The following ZNF705D variants were observed in gnomAD, a reference collection of about 807,000 sequenced individuals.
The protein encoded by ZNF705D is zinc finger protein 705D.
For synonymous variants in ZNF705D, 1 was observed against 43.8 expected (o/e 0.02, Z 3.86); for missense variants, 6 against 129.4 (o/e 0.05, Z 4.63).
At chr8:12,109,422 C>T (rs1415576094) in intron 1 of ZNF705D, among the ~76,000 whole-genome samples, 3 of 87,940 alleles carry the variant, frequency 3.4e-5, no homozygotes, top group African/African-American at 8.8e-5. Context: ...ATTCAAAACA[C>T]ATCATTGGTC....
At chr8:12,090,702 C>G in the ZNF705D span, among the ~76,000 whole-genome samples, 14,755 of 20,448 alleles carry the variant, frequency 0.72, 6,188 homozygotes, top group Non-Finnish European at 0.98. Flanking sequence ...TTGTAAATTT[C>G]TTTAAGTTCC....
chr8:12,095,753 T>TAC, the ZNF705D span, among the ~76,000 whole-genome samples: 5,156 of 27,440 alleles, frequency 0.19, 627 homozygotes, highest in Middle Eastern at 0.23. Context: ...TTTTTACTCC[T>TAC]ACACACACAC....
chr8:12,115,457 G>T (rs1416675293), downstream of ZNF705D: 2 of 111,910 alleles, frequency 1.8e-5, no homozygotes, highest in Non-Finnish European at 3.9e-5. Flanking sequence ...TTTGACAAAT[G>T]CATGGTGGCA....
chr8:12,091,793 T>G, the ZNF705D span, among the ~76,000 whole-genome samples: 2 of 26,666 alleles, frequency 7.5e-5, 1 homozygote, highest in Non-Finnish European at 2.0e-4. Flanking sequence ...GTATTTTTTT[T>G]TTTTTGTTTT....
At chr8:12,089,944 C>T in the ZNF705D span, among the ~76,000 whole-genome samples, 3 of 50,128 alleles carry the variant, frequency 6.0e-5, 1 homozygote, top group African/African-American at 9.8e-5. Context: ...AGGCCGAAGG[C>T]GAATCTGGCT....
At chr8:12,107,217 G>T (rs946839224), upstream of ZNF705D, among the ~76,000 whole-genome samples, 1 of 26,980 alleles carries the variant, frequency 3.7e-5, no homozygotes, top group Non-Finnish European at 8.2e-5. Flanking sequence ...CGATGCAGGA[G>T]ATTTTAAGGG....
the ZNF705D span, among the ~76,000 whole-genome samples, chr8:12,090,157 AC>A: frequency 3.3e-5 from 3 of 90,162 alleles, 1 homozygote; most frequent in African/African-American, 8.3e-5. Context: ...TCCTCTGGCC[AC>A]CCCCCCGATG....
At chr8:12,109,270 T>C (rs1463496365) in intron 1 of ZNF705D, among the ~76,000 whole-genome samples, 4 of 59,296 alleles carry the variant, frequency 6.7e-5, no homozygotes, top group African/African-American at 2.0e-4. Context: ...GAATCCTATA[T>C]TCTGCATAAA....
upstream of ZNF705D, among the ~76,000 whole-genome samples, chr8:12,107,282 C>G (rs868305380): frequency 1.9e-5 from 1 of 52,890 alleles, no homozygotes; most frequent in Non-Finnish European, 4.1e-5. Flanking sequence ...TCCCTCAATT[C>G]ATTATCCCCA....
intron 1 of ZNF705D, among the ~76,000 whole-genome samples, chr8:12,109,119 C>CTTCA (rs1343558715): frequency 2.1e-5 from 2 of 93,200 alleles, no homozygotes; most frequent in Non-Finnish European, 4.9e-5. Context: ...GAACAGGAGG[C>CTTCA]TTCATATCAC....
the ZNF705D span, among the ~76,000 whole-genome samples, chr8:12,090,071 A>T: frequency 2.5e-5 from 2 of 78,864 alleles, 1 homozygote; most frequent in African/African-American, 5.8e-5. Flanking sequence ...TCTGGCCAGG[A>T]GGCTTCCAGC....
chr8:12,107,893 ATGT>A, upstream of ZNF705D, among the ~76,000 whole-genome samples: 1 of 16,234 alleles, frequency 6.2e-5, no homozygotes, highest in African/African-American at 1.8e-4. Flanking sequence ...CGTGCTTTTG[ATGT>A]TCTCATTCAC....
rs534079290 is a variant in ZNF705D at position 12,109,473 on chromosome 8, G to C, written c.13-427G>C. Among the ~76,000 whole-genome samples, 22 of 85,580 alleles carry C rather than the reference G, an allele frequency of 2.6e-4. 2 individuals are homozygous for C. The highest frequency in any genetic ancestry group is 6.5e-4 in the African/African-American group (22 of 33,812). The allele number at this position is 85,580 out of a possible 152,430, so 56.1% of individuals were successfully genotyped here. A position where few individuals can be genotyped will look rare whatever the true frequency, so the allele number is the denominator to read the frequency against. ...TGGGGAGAAACCTGTCGTTCATCTA[G>C]AGAAATAATTTATTTCATCGCAGTC... is the stretch of plus-strand genomic sequence containing the variant. On this transcript the variant is annotated intron_variant, in intron 1 of 4. Coordinates refer to ENST00000400078, the Ensembl canonical transcript of ZNF705D.
the ZNF705D span, among the ~76,000 whole-genome samples, chr8:12,090,721 G>T: frequency 2.2e-5 from 1 of 45,570 alleles, no homozygotes; most frequent in African/African-American, 4.1e-5. Context: ...CCTTGTAGAT[G>T]CTGTATATTG....
intron 1 of ZNF705D, among the ~76,000 whole-genome samples, chr8:12,108,925 A>G (rs1464354070): frequency 3.6e-5 from 3 of 83,832 alleles, no homozygotes; most frequent in Admixed American, 1.8e-4. Context: ...ATGGTTGCAC[A>G]CTCAGAAGAA....
chr8:12,090,388 T>C, the ZNF705D span, among the ~76,000 whole-genome samples: 6 of 34,052 alleles, frequency 1.8e-4, 2 homozygotes, highest in South Asian at 0.017. Context: ...ATTTCCGTGG[T>C]TAGGGGACTT....
the ZNF705D span, among the ~76,000 whole-genome samples, chr8:12,089,985 G>A: frequency 3.9e-5 from 2 of 51,922 alleles, no homozygotes; most frequent in African/African-American, 6.5e-5. Flanking sequence ...TCTGCCTCCC[G>A]ACTGACAAAG....
At chr8:12,105,472 T>A (rs1802192764), upstream of ZNF705D, among the ~76,000 whole-genome samples, 1 of 89,166 alleles carries the variant, frequency 1.1e-5, no homozygotes, top group Non-Finnish European at 2.5e-5. Flanking sequence ...GCACGGTGGC[T>A]TACGCCTGTA....
At chr8:12,089,870 A>G in the ZNF705D span, among the ~76,000 whole-genome samples, 2 of 47,734 alleles carry the variant, frequency 4.2e-5, no homozygotes, top group African/African-American at 6.6e-5. Flanking sequence ...GCTAGCTTCC[A>G]GGCACGCTGA....
Sources: gnomAD v4.1 joint callset for allele counts (sites outside exome capture counted in the v4.1 genomes callset) on GRCh38, gnomAD v4.1.1 for gene constraint, MANE v1.5 for transcripts, NCBI Gene and HGNC (gene_info 2026-07-23, HGNC 2026-07-21) for gene names.